PTPRN2: variants seen among roughly 807,000 people sequenced by gnomAD.
PTPRN2 encodes the protein receptor-type tyrosine-protein phosphatase N2.
A neutral mutation model predicts 118.8 loss-of-function variants in PTPRN2; 74 were observed. That is an observed-to-expected ratio of 0.62 (90% CI 0.52 to 0.76). PTPRN2 has a LOEUF of 0.76. Among genes scored for constraint, PTPRN2 ranks in the 30% least tolerant of loss-of-function variants. The pLI, the probability that PTPRN2 is intolerant of heterozygous loss-of-function variation, is 0.00. For missense variants in PTPRN2, 1,481 were observed against 1,394.4 expected (o/e 1.06, Z -0.99); for synonymous variants, 641 against 608.0 (o/e 1.05, Z -0.80).
At chr7:157,677,093 C>G (rs1040429113) in intron 13 of PTPRN2, among the ~76,000 whole-genome samples, 1 of 152,128 alleles carries the variant, frequency 6.6e-6, no homozygotes, top group Admixed American at 6.5e-5. Context: ...CTGCAGCCCC[C>G]ACCTCCTTTC....
At chr7:158,121,854 A>T (rs569767268) in intron 9 of PTPRN2, among the ~76,000 whole-genome samples, 204 of 152,340 alleles carry the variant, frequency 1.3e-3, no homozygotes, top group African/African-American at 4.7e-3. Context: ...GGGCAGGGGC[A>T]TCACGGCTCC....
chr7:158,365,197 C>G (rs557574565), intron 2 of PTPRN2, among the ~76,000 whole-genome samples: 2 of 152,324 alleles, frequency 1.3e-5, no homozygotes, highest in Admixed American at 1.3e-4. Context: ...ACCGTCCTTG[C>G]GAGCGCCTCA....
At chr7:158,213,269 A>C (rs562559670) in intron 3 of PTPRN2, among the ~76,000 whole-genome samples, 2 of 151,310 alleles carry the variant, frequency 1.3e-5, no homozygotes, top group East Asian at 3.9e-4. Context: ...GAAGTCCAGA[A>C]CATGATGAGA....
At position 158,298,244 on chromosome 7, in the gene PTPRN2, T is replaced by C. The variant is rs192372473; in HGVS notation, c.277+18575A>G. Among the ~76,000 whole-genome samples, 1,484 of 152,102 alleles carry C rather than the reference T, an allele frequency of 9.8e-3. 12 individuals carry two copies. The highest frequency in any genetic ancestry group is 0.017 in the Non-Finnish European group (1,167 of 68,038). Reference sequence around the variant, plus strand: ...GTATTTTCTGCTCTTGTCTTCATTATTTTCTTCTTTTTAATGTCTTTTGCT... The same window carrying C: ...GTATTTTCTGCTCTTGTCTTCATTACTTTCTTCTTTTTAATGTCTTTTGCT... On this transcript the variant is annotated intron_variant, in intron 3 of 22. Coordinates refer to ENST00000389418, the MANE Select transcript of PTPRN2 (RefSeq NM_002847.5).
At chr7:158,189,706 G>A (rs1825610848) in intron 5 of PTPRN2, among the ~76,000 whole-genome samples, 1 of 152,226 alleles carries the variant, frequency 6.6e-6, no homozygotes, top group African/African-American at 2.4e-5. Context: ...GACTGCACGT[G>A]GGTTACTTTA....
At chr7:158,113,210 C>A (rs912822389) in intron 9 of PTPRN2, among the ~76,000 whole-genome samples, 2 of 152,202 alleles carry the variant, frequency 1.3e-5, no homozygotes, top group East Asian at 3.9e-4. Flanking sequence ...CCGAGCTTAG[C>A]GGGTCATGAT....
At chr7:158,378,049 T>C (rs1303339155) in intron 2 of PTPRN2, among the ~76,000 whole-genome samples, 3 of 152,176 alleles carry the variant, frequency 2.0e-5, no homozygotes, top group Non-Finnish European at 2.9e-5. Flanking sequence ...TTTCCAGGTG[T>C]GACACGGCAG....
intron 3 of PTPRN2, among the ~76,000 whole-genome samples, chr7:158,223,337 A>G (rs1167142222): frequency 6.6e-6 from 1 of 152,228 alleles, no homozygotes; most frequent in Non-Finnish European, 1.5e-5. Flanking sequence ...AGCTAATATT[A>G]ACCCGATACC....
At chr7:158,116,491 G>A (rs1375682001) in intron 9 of PTPRN2, among the ~76,000 whole-genome samples, 4 of 152,246 alleles carry the variant, frequency 2.6e-5, no homozygotes, top group Admixed American at 6.5e-5. Context: ...TCAGCCCTGT[G>A]GCAAGCAGCT....
At chr7:158,276,072 G>C (rs1014328203) in intron 3 of PTPRN2, among the ~76,000 whole-genome samples, 1 of 152,110 alleles carries the variant, frequency 6.6e-6, no homozygotes, top group African/African-American at 2.4e-5. Context: ...GGAGCCCACC[G>C]GTCAGCCAGC....
Position 157,724,220 on chromosome 7 carries a change from G to A in PTPRN2, c.1789-41283C>T, listed in dbSNP as rs549557396. Among the ~76,000 whole-genome samples, 13 of 152,346 alleles carry A rather than the reference G, an allele frequency of 8.5e-5. No homozygotes were observed. In the East Asian group the frequency reaches 1.2e-3, roughly 14 times the overall value. ...CCCCGTCTGAATTGCGCTGGTTTACGTGACATTTAGGCTACCCCCACCTGA... is the reference window on the plus strand; with the variant it reads ...CCCCGTCTGAATTGCGCTGGTTTACATGACATTTAGGCTACCCCCACCTGA... On this transcript the variant is annotated intron_variant, in intron 12 of 22. Transcript: ENST00000389418.
intron 2 of PTPRN2, among the ~76,000 whole-genome samples, chr7:158,373,263 G>T (rs1288374593): frequency 6.6e-6 from 1 of 152,222 alleles, no homozygotes; most frequent in Non-Finnish European, 1.5e-5. Context: ...TGACCTCGGG[G>T]CCCGGCCTAT....
intron 1 of PTPRN2, among the ~76,000 whole-genome samples, chr7:158,576,088 G>A (rs1055272017): frequency 2.6e-5 from 4 of 151,642 alleles, no homozygotes; most frequent in African/African-American, 4.9e-5. Flanking sequence ...TACTTTCCCC[G>A]CTGGAAGAGC....
intron 2 of PTPRN2, among the ~76,000 whole-genome samples, chr7:158,484,933 G>GC (rs1820895257): frequency 6.6e-6 from 1 of 152,216 alleles, no homozygotes; most frequent in Non-Finnish European, 1.5e-5. Context: ...GGAGTCGGCT[G>GC]CAGGAGGAGC....
At chr7:157,727,332 G>C (rs1444795188) in intron 12 of PTPRN2, among the ~76,000 whole-genome samples, 1 of 152,188 alleles carries the variant, frequency 6.6e-6, no homozygotes, top group Admixed American at 6.5e-5. Flanking sequence ...CATAACATGG[G>C]GAGTCCTGAG....
intron 6 of PTPRN2, among the ~76,000 whole-genome samples, chr7:158,159,751 G>A (rs1307756873): frequency 6.6e-6 from 1 of 152,124 alleles, no homozygotes; most frequent in Non-Finnish European, 1.5e-5. Context: ...GTCTTGAGCT[G>A]AAAGTATGGC....
chr7:158,132,865 A>G (rs1206187917), intron 9 of PTPRN2, among the ~76,000 whole-genome samples: 2 of 151,162 alleles, frequency 1.3e-5, no homozygotes, highest in Non-Finnish European at 1.5e-5. Flanking sequence ...TACCCAACAT[A>G]CACTCATATA....
chr7:158,166,045 A>C (rs1254072844), intron 6 of PTPRN2, among the ~76,000 whole-genome samples: 3 of 152,078 alleles, frequency 2.0e-5, no homozygotes, highest in Non-Finnish European at 2.9e-5. Context: ...GACAAAGGAC[A>C]CTGGACTTAA....
In PTPRN2 at chr7:158,264,230, G is replaced by C. The variant is rs145294540; in HGVS notation, c.277+52589C>G. 1.2e-4 allele frequency among the ~76,000 whole-genome samples: 18 copies of C among 152,242 alleles called. No homozygotes were observed. The East Asian group carries it at 3.5e-3, about 29-fold the overall frequency. On this transcript the variant is annotated intron_variant, in intron 3 of 22. Coordinates refer to ENST00000389418, the MANE Select transcript of PTPRN2 (RefSeq NM_002847.5). ...GGTAACGACCGCCTGAAAATGTCGT[G>C]GTAGAAATAAAACCATGCAATTCAG...
Sources: gnomAD v4.1 joint callset for allele counts (sites outside exome capture counted in the v4.1 genomes callset) on GRCh38, gnomAD v4.1.1 for gene constraint, MANE v1.5 for transcripts, NCBI Gene and HGNC (gene_info 2026-07-23, HGNC 2026-07-21) for gene names.